Variants in ANO4 observed in about 807,000 individuals in gnomAD.
The protein encoded by ANO4 is anoctamin-4.
Under a neutral mutation model 141.9 loss-of-function variants are expected in ANO4, and 69 were observed. The ratio of observed to expected loss-of-function variants is 0.49; its 90% CI spans 0.40 to 0.59. The LOEUF (loss-of-function observed/expected upper bound fraction) is 0.59, where lower values mean the gene tolerates loss of function less well. Ranked by LOEUF, ANO4 falls within the 20% of genes least tolerant of loss-of-function variation. The pLI, the probability that ANO4 is intolerant of heterozygous loss-of-function variation, is 0.00. For synonymous variants in ANO4, 350 were observed against 394.3 expected, an observed-to-expected ratio of 0.89 and a Z score of 1.33; for missense variants, 894 against 1,162.2, an observed-to-expected ratio of 0.77 and a Z score of 3.36.
intron 14 of ANO4, among the ~76,000 whole-genome samples, chr12:101,067,387 G>A (rs1378074202): frequency 6.6e-6 from 1 of 152,170 alleles, no homozygotes; most frequent in Non-Finnish European, 1.5e-5. Flanking sequence ...AATAGTATGT[G>A]ATAAGATTTC....
At chr12:100,781,222 A>G (rs907807761) in intron 3 of ANO4, among the ~76,000 whole-genome samples, 2 of 152,330 alleles carry the variant, frequency 1.3e-5, no homozygotes, top group South Asian at 2.1e-4. Context: ...CACTTTTAAT[A>G]TCAGACATTA....
At chr12:100,832,086 G>A (rs1382571323) in intron 1 of ANO4, among the ~76,000 whole-genome samples, 2 of 152,164 alleles carry the variant, frequency 1.3e-5, no homozygotes, top group East Asian at 3.9e-4. Flanking sequence ...TTTCAGGTAT[G>A]CACATGTTTA....
At chr12:100,833,758 G>A (rs36000005) in intron 1 of ANO4, among the ~76,000 whole-genome samples, 7,102 of 151,814 alleles carry the variant, frequency 0.047, 224 homozygotes, top group Middle Eastern at 0.095. Context: ...TTTTTTCCTT[G>A]TCTCAGAGCC....
intron 22 of ANO4, among the ~76,000 whole-genome samples, chr12:101,108,509 A>C (rs1362969970): frequency 6.6e-6 from 1 of 152,222 alleles, no homozygotes; most frequent in East Asian, 1.9e-4. Flanking sequence ...TAAGGTTGTC[A>C]TGAAAATTAA....
At chr12:100,880,247 G>C (rs1450787559) in intron 1 of ANO4, among the ~76,000 whole-genome samples, 1 of 152,212 alleles carries the variant, frequency 6.6e-6, no homozygotes, top group East Asian at 1.9e-4. Context: ...AGCTTCTCTA[G>C]AAGGCTGAAG....
intron 5 of ANO4, among the ~76,000 whole-genome samples, chr12:100,963,275 C>T (rs951908053): frequency 6.6e-6 from 1 of 152,116 alleles, no homozygotes; most frequent in African/African-American, 2.4e-5. Flanking sequence ...ATGAGATCAT[C>T]TAGGGAGGAC....
intron 5 of ANO4, among the ~76,000 whole-genome samples, chr12:100,966,059 G>A (rs1381104269): frequency 6.6e-6 from 1 of 152,086 alleles, no homozygotes; most frequent in African/African-American, 2.4e-5. Flanking sequence ...AAAAAGACAG[G>A]AATTGGGTGC....
At chr12:101,088,698 T>C (rs147179996) in intron 17 of ANO4, among the ~76,000 whole-genome samples, 104 of 152,190 alleles carry the variant, frequency 6.8e-4, no homozygotes, top group Admixed American at 1.2e-3. Flanking sequence ...CTGTGGCTCA[T>C]GCCTGTAATC....
intron 26 of ANO4, 104 bp downstream of exon 26, chr12:101,120,729 T>C (rs2051052814): frequency 1.2e-6 from 1 of 866,584 alleles, no homozygotes. Flanking sequence ...ATTATCTATA[T>C]TTCCAGAAGT....
At chr12:100,790,184 A>G (rs561868158), upstream of ANO4, among the ~76,000 whole-genome samples, 1 of 152,324 alleles carries the variant, frequency 6.6e-6, no homozygotes, top group South Asian at 2.1e-4. Context: ...GGCATGAGAT[A>G]ATATAGGAAG....
chr12:100,784,091 C>A (rs1229224703), intron 3 of ANO4, among the ~76,000 whole-genome samples: 1 of 152,154 alleles, frequency 6.6e-6, no homozygotes, highest in South Asian at 2.1e-4. Context: ...TTTTGCTTAA[C>A]CCCTTGTCTT....
intron 2 of ANO4, among the ~76,000 whole-genome samples, chr12:100,914,063 A>C (rs2041230915): frequency 6.6e-6 from 1 of 152,142 alleles, no homozygotes; most frequent in Admixed American, 6.6e-5. Context: ...CATCTAGGAG[A>C]TTGGAAGACA....
chr12:101,058,705 T>C (rs969833083), intron 14 of ANO4, among the ~76,000 whole-genome samples: 1 of 152,236 alleles, frequency 6.6e-6, no homozygotes, highest in African/African-American at 2.4e-5. Flanking sequence ...TTTTTGCACA[T>C]TGATTTTGTA....
intron 1 of ANO4, among the ~76,000 whole-genome samples, chr12:100,821,937 C>T (rs1374212627): frequency 6.6e-6 from 1 of 151,916 alleles, no homozygotes; most frequent in Non-Finnish European, 1.5e-5. Context: ...TGCCCCTCCC[C>T]AAAGACACTA....
At position 100,842,854 on chromosome 12, in the gene ANO4, A is replaced by G. The variant is rs145530981; in HGVS notation, c.-141+47827A>G. On this transcript the variant is annotated intron_variant, in intron 1 of 27. Transcript: ENST00000392977. Reference sequence around the variant, plus strand: ...GGCTTAACCACCTCCTAAAGGCCCCACCTCTTAATACTGTTGCACGGAGGA... The same window carrying G: ...GGCTTAACCACCTCCTAAAGGCCCCGCCTCTTAATACTGTTGCACGGAGGA... 2.1e-3 allele frequency among the ~76,000 whole-genome samples: 318 copies of G among 152,184 alleles called. 2 individuals carry two copies. The highest frequency in any genetic ancestry group is 7.1e-3 in the African/African-American group (295 of 41,560).
At chr12:100,873,580 C>A (rs1401917791) in intron 1 of ANO4, among the ~76,000 whole-genome samples, 1 of 152,122 alleles carries the variant, frequency 6.6e-6, no homozygotes, top group Non-Finnish European at 1.5e-5. Context: ...AATGTCTAAG[C>A]AGCAAAACAT....
At chr12:100,849,317 A>G (rs2037744628) in intron 1 of ANO4, among the ~76,000 whole-genome samples, 2 of 152,204 alleles carry the variant, frequency 1.3e-5, no homozygotes, top group African/African-American at 4.8e-5. Flanking sequence ...CAAGTGTTTT[A>G]TTTTATTTTC....
Position 100,728,891 on chromosome 12 carries a change from T to C in ANO4, c.23-4883T>C, listed in dbSNP as rs151165519. Among the ~76,000 whole-genome samples the C allele has an allele frequency of 5.5e-3, 834 of 152,232 alleles. 7 individuals carry two copies. Among genetic ancestry groups the C allele is most frequent in the African/African-American group, 0.019 (778 of 41,520 alleles). ...TGTAATGTAATATATAATTATAAAA[T>C]GAATGCCATGTAGCCACCACCTCGG... On this transcript the variant is annotated intron_variant, in intron 1 of 29. Transcript: ENST00000644049.
intron 15 of ANO4, among the ~76,000 whole-genome samples, chr12:101,081,185 G>A (rs1056699690): frequency 2.0e-5 from 3 of 151,888 alleles, no homozygotes; most frequent in Admixed American, 6.6e-5. Flanking sequence ...CATGGGAACA[G>A]TTCCCAGTGG....
Sources: allele counts gnomAD v4.1 joint callset (sites outside exome capture counted in the v4.1 genomes callset), GRCh38; gene constraint gnomAD v4.1.1; transcripts MANE v1.5; gene names NCBI Gene and HGNC (gene_info 2026-07-23, HGNC 2026-07-21).